Variants in EIF2AK3 observed in about 807,000 individuals in gnomAD.
EIF2AK3 encodes the protein eukaryotic translation initiation factor 2-alpha kinase 3.
In EIF2AK3, 50 loss-of-function variants were observed where a neutral mutation model predicts 113.5. The observed-to-expected ratio is 0.44, with a 90% CI of 0.35 to 0.56. EIF2AK3 has a LOEUF of 0.56. EIF2AK3 is among the 20% of genes least tolerant of loss of function. The pLI is 0.00. For missense variants in EIF2AK3, 1,185 were observed against 1,378.0 expected (o/e 0.86, Z 2.22); for synonymous variants, 448 against 495.4 (o/e 0.90, Z 1.27).
At chr2:88,619,014 T>G (rs530048053) in intron 1 of EIF2AK3, among the ~76,000 whole-genome samples, 90 of 151,978 alleles carry the variant, frequency 5.9e-4, no homozygotes, top group African/African-American at 1.9e-3. Flanking sequence ...TTTTTTTTTT[T>G]TGGGGGGACG....
intron 1 of EIF2AK3, among the ~76,000 whole-genome samples, chr2:88,621,141 C>T (rs1308621133): frequency 6.6e-6 from 1 of 152,184 alleles, no homozygotes; most frequent in Non-Finnish European, 1.5e-5. Context: ...GCTTTTTATT[C>T]CTCTCAGAAA....
Position 88,575,440 on chromosome 2 carries a change from G to T in EIF2AK3, c.2043C>A (p.Asp681Glu). 6.2e-7 allele frequency: 1 copy of T among 1,606,556 alleles called. No homozygotes were observed. Among genetic ancestry groups the T allele is most frequent in the South Asian group, 1.1e-5 (1 of 91,080 alleles). Residue 681 changes from aspartate to glutamate, a missense_variant, in exon 13 of 17, where the codon GAC (aspartate) becomes GAA (glutamate). Transcript: ENST00000303236. ...TTGGGCTAGGAGAGCTGAGTGGCCA[G>T]TCTGTGCTAAAAGTGGGAGAAATAC... The part of the protein sequence containing the change: ...DEIWLKDEST[D>E]WPLSSPSPMD...
rs561699653 is a variant in EIF2AK3 at position 88,577,835 on chromosome 2, T to C, written c.1887-1132A>G. Among the ~76,000 whole-genome samples the C allele has an allele frequency of 4.5e-4, 68 of 152,278 alleles. 1 individual carries two copies. Among genetic ancestry groups the C allele is most frequent in the Admixed American group, 1.2e-3 (18 of 15,308 alleles). On this transcript the variant is annotated intron_variant, in intron 11 of 16. Transcript: ENST00000303236. Reference sequence around the variant, plus strand: ...ACTTGGCCATCCCTCCCCACCTGTCTCCTACTGAGGGAAAGGCTACTCTTG... The same window carrying C: ...ACTTGGCCATCCCTCCCCACCTGTCCCCTACTGAGGGAAAGGCTACTCTTG...
At chr2:88,590,397 C>G (rs372587648) in intron 6 of EIF2AK3, 46 bp downstream of exon 6, 1 of 1,601,410 alleles carries the variant, frequency 6.2e-7, no homozygotes, top group East Asian at 2.2e-5. Context: ...AGAAGAAAAT[C>G]TAGATGTCAA....
At chr2:88,594,751 C>T (rs1319893497) in intron 3 of EIF2AK3, among the ~76,000 whole-genome samples, 2 of 150,208 alleles carry the variant, frequency 1.3e-5, no homozygotes, top group Non-Finnish European at 3.0e-5. Context: ...AGGATCAAAC[C>T]CTATAAATGA....
At position 88,595,683 on chromosome 2, in the gene EIF2AK3, T is replaced by C; in HGVS notation, c.439-20A>G. On this transcript the variant is annotated intron_variant, in intron 2 of 16. Transcript: ENST00000303236. Reference sequence around the variant, plus strand: ...AAATACCTAAAACAGAAGCTAACTTTTTAAAAGGGCCATAACATTAATTAT... The same window carrying C: ...AAATACCTAAAACAGAAGCTAACTTCTTAAAAGGGCCATAACATTAATTAT... 1.2e-6 allele frequency: 2 copies of C among 1,602,394 alleles called. No homozygotes were observed. Among genetic ancestry groups the C allele is most frequent in the Non-Finnish European group, 1.7e-6 (2 of 1,169,618 alleles).
At chr2:88,621,956 G>A (rs987875986) in intron 1 of EIF2AK3, among the ~76,000 whole-genome samples, 2 of 148,104 alleles carry the variant, frequency 1.4e-5, no homozygotes, top group Non-Finnish European at 3.0e-5. Flanking sequence ...GAGTGCAGTG[G>A]CATGATCTTG....
intron 14 of EIF2AK3, among the ~76,000 whole-genome samples, chr2:88,564,049 A>T (rs1674036727): frequency 6.6e-6 from 1 of 152,214 alleles, no homozygotes; most frequent in African/African-American, 2.4e-5. Context: ...ATGTAGCCTC[A>T]TGAACGCATG....
intron 2 of EIF2AK3, among the ~76,000 whole-genome samples, chr2:88,606,357 A>G (rs1481632852): frequency 5.9e-5 from 9 of 152,186 alleles, no homozygotes; most frequent in African/African-American, 2.2e-4. Context: ...TCCTTTGGTG[A>G]CATGCAATGC....
intron 14 of EIF2AK3, among the ~76,000 whole-genome samples, chr2:88,565,473 C>G (rs189616543): frequency 1.1e-3 from 163 of 152,002 alleles, no homozygotes; most frequent in African/African-American, 3.8e-3. Context: ...TCTCAAGTAG[C>G]TGGGACCACA....
At chr2:88,580,008 T>A in intron 10 of EIF2AK3, 1 of 236,740 alleles carries the variant, frequency 4.2e-6, no homozygotes. Context: ...CATTTTGTAA[T>A]CAATTACAGA....
rs763931688 is a variant in EIF2AK3, at chr2:88,575,140, C to T, written c.2343G>A (p.Glu781=). The change falls in exon 13 of 17, where the codon GAG becomes GAA. Residue 781 remains glutamate (E), a synonymous_variant. Coordinates refer to ENST00000303236, the MANE Select transcript of EIF2AK3 (RefSeq NM_004836.7). ...AAGGACAAAGTTCAAAGGAGTGCCC[C>T]TCATCATTGCCATCCATAGTCCCAT... The part of the protein sequence containing the change: ...VEDGTMDGND[E]GHSFELCPSE... 1.2e-6 allele frequency: 2 copies of T among 1,614,084 alleles called. No homozygotes were observed. Among genetic ancestry groups the T allele is most frequent in the South Asian group, 1.1e-5 (1 of 91,082 alleles).
intron 8 of EIF2AK3, among the ~76,000 whole-genome samples, chr2:88,586,367 TAATACTC>T (rs1478218436): frequency 6.6e-6 from 1 of 152,112 alleles, no homozygotes; most frequent in African/African-American, 2.4e-5. Flanking sequence ...ATATAAGAAT[TAATACTC>T]AATCTTCCTT....
chr2:88,598,645 A>C (rs1451048294), intron 2 of EIF2AK3, among the ~76,000 whole-genome samples: 1 of 152,166 alleles, frequency 6.6e-6, no homozygotes, highest in African/African-American at 2.4e-5. Context: ...AGATTAAAAG[A>C]GGCTAATGTG....
Position 88,593,331 on chromosome 2 carries a change from C to G in EIF2AK3, c.708G>C (p.Leu236=), listed in dbSNP as rs1181295920. 1.2e-6 allele frequency: 2 copies of G among 1,613,942 alleles called. No homozygotes were observed. The change falls in exon 4 of 17, where the codon CTG becomes CTC. Residue 236 remains leucine (L), a synonymous_variant. Coordinates refer to ENST00000303236, the MANE Select transcript of EIF2AK3 (RefSeq NM_004836.7). ...CAGTTTTTTGGGTACGCTGTAGAAG[C>G]AGGATGTCTTCCTCTTGTTCCATTT... ...SDEMEQEEDI[L]LLQRTQKTVR... is the part of the protein sequence containing the mutation.
intron 1 of EIF2AK3, among the ~76,000 whole-genome samples, chr2:88,616,608 G>A (rs1175953526): frequency 6.6e-6 from 1 of 151,928 alleles, no homozygotes; most frequent in Non-Finnish European, 1.5e-5. Flanking sequence ...TATATTTTTA[G>A]TAGAGACGGG....
chr2:88,588,849 C>A lies in EIF2AK3; in HGVS notation c.1218G>T (p.Lys406Asn). Reference protein sequence around the residue: ...YLQSSVRISEKFPSSPKALES... With the variant: ...YLQSSVRISENFPSSPKALES... ...CCAAAGCCTTGGGACTTGAAGGAAA[C>A]TTTTCTGAAATTCTGACTGATGACT... The change falls in exon 7 of 17, where the codon AAG (lysine) becomes AAT (asparagine). Residue 406 changes from lysine to asparagine, a missense_variant. Coordinates refer to ENST00000303236, the MANE Select transcript of EIF2AK3 (RefSeq NM_004836.7). 1.2e-6 allele frequency: 2 copies of A among 1,613,828 alleles called. No individual in the cohort carries two copies. Among genetic ancestry groups the A allele is most frequent in the South Asian group, 2.2e-5 (2 of 91,082 alleles).
At chr2:88,593,493 A>T in intron 3 of EIF2AK3, 88 bp from the exon 4 acceptor site, 1 of 1,501,858 alleles carries the variant, frequency 6.7e-7, no homozygotes, top group East Asian at 2.3e-5. Context: ...AATTTTTAAA[A>T]AGTGAAAGGA....
At position 88,557,094 on chromosome 2, in the gene EIF2AK3, T is replaced by C. The variant is rs1219432162; in HGVS notation, c.*642A>G. 6.6e-6 allele frequency: 1 copy of C among 152,640 alleles called. No homozygotes were observed. Among genetic ancestry groups the C allele is most frequent in the African/African-American group, 2.4e-5 (1 of 41,446 alleles). The allele number at this position is 152,640 out of a possible 1,614,324, so 9.5% of individuals were successfully genotyped here. On this transcript the variant is annotated 3_prime_UTR_variant, in exon 17 of 17. Transcript: ENST00000303236. ...AACTAGACCTTTCAACCAATTTACA[T>C]AAAAAGCTTCATTTTCCCTTTATTG...
Sources: allele counts gnomAD v4.1 joint callset (sites outside exome capture counted in the v4.1 genomes callset), GRCh38; gene constraint gnomAD v4.1.1; transcripts MANE v1.5; gene names NCBI Gene and HGNC (gene_info 2026-07-23, HGNC 2026-07-21).